The following EIF4EBP2 variants were observed in gnomAD, a reference collection of about 807,000 sequenced individuals.
The protein encoded by EIF4EBP2 is eukaryotic translation initiation factor 4E binding protein 2.
In EIF4EBP2, 5 loss-of-function variants were observed where a neutral mutation model predicts 10.3. The observed-to-expected ratio is 0.48, with a 90% CI of 0.25 to 1.02. EIF4EBP2 has a LOEUF of 1.02. Ranked by LOEUF, EIF4EBP2 falls within the 50% of genes least tolerant of loss-of-function variation. EIF4EBP2 has a pLI of 0.15. For missense variants in EIF4EBP2, 188 were observed against 162.2 expected (o/e 1.16, Z -0.86); for synonymous variants, 67 against 61.1 (o/e 1.10, Z -0.45).
chr10:70,404,505 G>A lies in EIF4EBP2; in HGVS notation c.104G>A (p.Cys35Tyr). The change falls in exon 1 of 3, where the codon TGC becomes TAC. Residue 35 changes from cysteine (C) to tyrosine (Y), a missense_variant. By Grantham distance (194) the Cys-to-Tyr change is radical. Transcript: ENST00000373218. ...GCCGCGCAGCTACCTCATGACTATTGCACCACGCCCGGGGGGACGCTCTTC... is the reference window on the plus strand; with the variant it reads ...GCCGCGCAGCTACCTCATGACTATTACACCACGCCCGGGGGGACGCTCTTC... ...SDAAQLPHDY[C>Y]TTPGGTLFST... 1 of 1,594,766 alleles carries A rather than the reference G, an allele frequency of 6.3e-7. No homozygotes were observed.
In EIF4EBP2 at chr10:70,420,857, C is replaced by T. The variant is rs558916874; in HGVS notation, c.331+758C>T. 4.6e-5 allele frequency among the ~76,000 whole-genome samples: 7 copies of T among 152,254 alleles called. No individual in the cohort carries two copies. In the East Asian group the frequency reaches 7.8e-4, roughly 17 times the overall value. On this transcript the variant is annotated intron_variant, in intron 2 of 2. Coordinates refer to ENST00000373218, the MANE Select transcript of EIF4EBP2 (RefSeq NM_004096.5). ...TTGCCCAGGCTGGAGTGCAGTGGCA[C>T]GATCTCGGCTCACTGCAAGCTCTGG...
intron 1 of EIF4EBP2, among the ~76,000 whole-genome samples, chr10:70,412,805 A>T (rs1045693851): frequency 3.3e-5 from 5 of 152,218 alleles, no homozygotes; most frequent in African/African-American, 4.8e-5. Flanking sequence ...ATTTATCCTA[A>T]TATCTGGTCA....
intron 1 of EIF4EBP2, among the ~76,000 whole-genome samples, chr10:70,415,721 C>G (rs951489023): frequency 6.6e-6 from 1 of 152,140 alleles, no homozygotes; most frequent in Non-Finnish European, 1.5e-5. Flanking sequence ...GATATGCACA[C>G]AGAAAAACTG....
rs1845223134 is a variant in EIF4EBP2 at position 70,428,175 on chromosome 10, A to C, written c.*6428A>C. 1 of 150,880 alleles carries C rather than the reference A, an allele frequency of 6.6e-6. No homozygotes were observed. Among genetic ancestry groups the C allele is most frequent in the Non-Finnish European group, 1.5e-5 (1 of 67,808 alleles). The allele number at this position is 150,880 out of a possible 1,614,324, so 9.3% of individuals were successfully genotyped here. A position where few individuals can be genotyped will look rare whatever the true frequency, so the allele number is the denominator to read the frequency against. On this transcript the variant is annotated 3_prime_UTR_variant, in exon 3 of 3. Transcript: ENST00000373218. ...CATCTCTTTCCACCTGGGTGAGGAG[A>C]CCCTCTGCTACTCCAGGGGTAAACC...
intron 1 of EIF4EBP2, 89 bp downstream of exon 1, chr10:70,404,635 C>G (rs1263420077): frequency 5.0e-6 from 7 of 1,387,538 alleles, no homozygotes; most frequent in South Asian, 3.2e-5. Context: ...GCTTCGCCCC[C>G]GCCCCCAGCT....
intron 1 of EIF4EBP2, among the ~76,000 whole-genome samples, chr10:70,407,606 G>A (rs1331858186): frequency 6.6e-6 from 1 of 151,866 alleles, no homozygotes; most frequent in African/African-American, 2.4e-5. Flanking sequence ...TGTCATCATG[G>A]CCCGTTCTCA....
At chr10:70,408,219 C>T (rs1347836429) in intron 1 of EIF4EBP2, among the ~76,000 whole-genome samples, 1 of 149,078 alleles carries the variant, frequency 6.7e-6, no homozygotes, top group East Asian at 2.0e-4. Flanking sequence ...GACCCCCCCA[C>T]CTCCTTCCTG....
At chr10:70,411,050 C>T (rs960949658) in intron 1 of EIF4EBP2, among the ~76,000 whole-genome samples, 2 of 152,136 alleles carry the variant, frequency 1.3e-5, no homozygotes, top group Non-Finnish European at 2.9e-5. Flanking sequence ...AATACACTAT[C>T]TCTTGATGTT....
intron 1 of EIF4EBP2, among the ~76,000 whole-genome samples, chr10:70,408,699 C>T (rs1356179358): frequency 6.6e-6 from 1 of 152,128 alleles, no homozygotes; most frequent in Non-Finnish European, 1.5e-5. Context: ...ATTTTGTGTG[C>T]CCAGGGGAGT....
chr10:70,407,834 G>T (rs1844993126), intron 1 of EIF4EBP2, among the ~76,000 whole-genome samples: 1 of 138,740 alleles, frequency 7.2e-6, no homozygotes, highest in South Asian at 2.3e-4. Context: ...CCTCCCAGAT[G>T]GGGCGGCTGG....
chr10:70,421,783 T>C lies in EIF4EBP2; in HGVS notation c.*36T>C. 1.9e-6 allele frequency: 3 copies of C among 1,606,546 alleles called. No individual in the cohort carries two copies. Among genetic ancestry groups the C allele is most frequent in the Non-Finnish European group, 8.5e-7 (1 of 1,175,016 alleles). ...AGGATTAGAAGAAAAGCAGCAACACTGATACTTGTGTGCACCTGATTTGGC... is the reference window on the plus strand; with the variant it reads ...AGGATTAGAAGAAAAGCAGCAACACCGATACTTGTGTGCACCTGATTTGGC... On this transcript the variant is annotated 3_prime_UTR_variant, in exon 3 of 3. Coordinates refer to ENST00000373218, the MANE Select transcript of EIF4EBP2 (RefSeq NM_004096.5).
At chr10:70,421,161 A>C (rs1284069051) in intron 2 of EIF4EBP2, among the ~76,000 whole-genome samples, 1 of 151,906 alleles carries the variant, frequency 6.6e-6, no homozygotes, top group Non-Finnish European at 1.5e-5. Context: ...TATTTCCTCT[A>C]TTTTCCAGAA....
intron 1 of EIF4EBP2, among the ~76,000 whole-genome samples, chr10:70,407,634 C>T (rs981347246): frequency 7.2e-5 from 11 of 152,028 alleles, no homozygotes; most frequent in Non-Finnish European, 1.3e-4. Flanking sequence ...GTTGAGTACA[C>T]CTCCCAGATG....
rs1264142031 is a variant in EIF4EBP2, at chr10:70,404,270, C to G, written c.-132C>G. On this transcript the variant is annotated 5_prime_UTR_variant, in exon 1 of 3. Transcript: ENST00000373218. ...GGGCGGCGGCGGGAGCGGAGCGGGA[C>G]GAGGGAACGGGAGGAAGCGAGCGAG... 1 of 1,192,104 alleles carries G rather than the reference C, an allele frequency of 8.4e-7. No homozygotes were observed. The highest frequency in any genetic ancestry group is 1.6e-5 in the African/African-American group (1 of 61,490). The allele number at this position is 1,192,104 out of a possible 1,614,324, so 73.8% of individuals were successfully genotyped here.
chr10:70,407,153 T>TTCTC (rs1175369973), intron 1 of EIF4EBP2, among the ~76,000 whole-genome samples: 4 of 151,014 alleles, frequency 2.6e-5, no homozygotes, highest in Non-Finnish European at 5.9e-5. Flanking sequence ...TCTTGGGTGT[T>TTCTC]TCTCGCAGAG....
intron 1 of EIF4EBP2, among the ~76,000 whole-genome samples, chr10:70,413,279 A>T (rs1270855908): frequency 1.3e-5 from 2 of 152,064 alleles, no homozygotes; most frequent in East Asian, 3.8e-4. Context: ...TACACCATTC[A>T]CCTGTCCTCC....
intron 2 of EIF4EBP2, among the ~76,000 whole-genome samples, 191 bp downstream of exon 2, chr10:70,420,290 C>T (rs554965512): frequency 2.6e-5 from 4 of 152,336 alleles, no homozygotes; most frequent in African/African-American, 9.6e-5. Flanking sequence ...ACCTCCGCCT[C>T]CTGGGTTCAA....
intron 1 of EIF4EBP2, among the ~76,000 whole-genome samples, chr10:70,414,993 C>CA (rs1457915200): frequency 6.6e-6 from 1 of 151,678 alleles, no homozygotes; most frequent in Non-Finnish European, 1.5e-5. Context: ...CCCGTCTCTA[C>CA]AAAAAATACA....
chr10:70,418,573 A>T (rs1217095016), intron 1 of EIF4EBP2, among the ~76,000 whole-genome samples: 1 of 152,172 alleles, frequency 6.6e-6, no homozygotes, highest in African/African-American at 2.4e-5. Context: ...TAATACTGTG[A>T]TTCATCAAGA....
Sources: gnomAD v4.1 joint callset for allele counts (sites outside exome capture counted in the v4.1 genomes callset) on GRCh38, gnomAD v4.1.1 for gene constraint, MANE v1.5 for transcripts, NCBI Gene and HGNC (gene_info 2026-07-23, HGNC 2026-07-21) for gene names.